The following BLTP2 variants were observed in gnomAD, a reference collection of about 807,000 sequenced individuals.
The protein encoded by BLTP2 is bridge-like lipid transfer protein family member 2, also known as U937-associated antigen.
At chr17:28,640,877 C>G in the BLTP2 span, among the ~76,000 whole-genome samples, 10 of 152,336 alleles carry the variant, frequency 6.6e-5, no homozygotes, top group East Asian at 1.5e-3. Context: ...CTCTAAAAAC[C>G]TAAAGAGTAC....
chr17:28,616,838 T>A, the BLTP2 span: 1 of 1,605,388 alleles, frequency 6.2e-7, no homozygotes, highest in Non-Finnish European at 8.5e-7. The surrounding 1 kb of genome is among the most constrained non-coding windows in gnomAD (Gnocchi z 4.8). Flanking sequence ...AACACACAGG[T>A]GGCTTTTGAA....
chr17:28,628,692 T>A, the BLTP2 span: 1 of 742,242 alleles, frequency 1.3e-6, no homozygotes, highest in South Asian at 1.9e-5. Context: ...CCCAGCACTT[T>A]GGGAGGCCGA....
the BLTP2 span, chr17:28,615,659 G>C: frequency 6.2e-7 from 1 of 1,613,772 alleles, no homozygotes; most frequent in Admixed American, 1.7e-5. Flanking sequence ...GCCCTGGCGG[G>C]ATACCTGGGC....
chr17:28,642,704 C>T, the BLTP2 span, among the ~76,000 whole-genome samples: 1 of 152,154 alleles, frequency 6.6e-6, no homozygotes, highest in African/African-American at 2.4e-5. Context: ...CCACTTACCT[C>T]CAGTCAAGCT....
chr17:28,644,329 T>A, the BLTP2 span: 2 of 888,982 alleles, frequency 2.2e-6, no homozygotes, highest in Non-Finnish European at 3.4e-6. Context: ...AGCACCACTC[T>A]GTCATATACA....
At chr17:28,642,906 T>C in the BLTP2 span, 1 of 1,609,384 alleles carries the variant, frequency 6.2e-7, no homozygotes, top group African/African-American at 1.3e-5. Flanking sequence ...CTGCTTCTAC[T>C]GATCTGAATA....
At chr17:28,632,227 G>C in the BLTP2 span, 1 of 1,599,154 alleles carries the variant, frequency 6.3e-7, no homozygotes, top group Non-Finnish European at 8.5e-7. Context: ...CAGAATTCGG[G>C]GCTGGGATAT....
At chr17:28,621,524 T>G in the BLTP2 span, 2 of 1,563,168 alleles carry the variant, frequency 1.3e-6, no homozygotes, top group African/African-American at 2.7e-5. Context: ...CAGGCAACTT[T>G]AGCTCCTGGG....
chr17:28,624,174 G>C, the BLTP2 span: 1 of 1,560,598 alleles, frequency 6.4e-7, no homozygotes. Context: ...GGTGGGGGAA[G>C]GGGAACAATA....
chr17:28,632,210 T>C, the BLTP2 span: 5 of 1,606,254 alleles, frequency 3.1e-6, no homozygotes, highest in South Asian at 1.1e-5. Context: ...AGGGTACTAC[T>C]ATATAGCAGA....
chr17:28,641,844 C>T, the BLTP2 span: 2 of 1,543,088 alleles, frequency 1.3e-6, no homozygotes, highest in Non-Finnish European at 1.8e-6. Context: ...CCAAAACAAA[C>T]CCTGAGAACA....
the BLTP2 span, chr17:28,638,966 T>A: frequency 6.9e-6 from 3 of 435,828 alleles, no homozygotes; most frequent in Non-Finnish European, 1.2e-5. Flanking sequence ...TAACCTTAAG[T>A]TCTCTGTGCA....
At chr17:28,624,220 A>C in the BLTP2 span, 1 of 1,611,776 alleles carries the variant, frequency 6.2e-7, no homozygotes, top group Non-Finnish European at 8.5e-7. Context: ...GGTAACTTGT[A>C]AAGAGAAGGT....
At chr17:28,633,510 A>G in the BLTP2 span, 1 of 1,604,064 alleles carries the variant, frequency 6.2e-7, no homozygotes, top group Non-Finnish European at 8.5e-7. Flanking sequence ...CCTCAACCAT[A>G]CCATCCTGAT....
the BLTP2 span, chr17:28,615,783 C>A: frequency 1.2e-6 from 2 of 1,614,060 alleles, no homozygotes; most frequent in Non-Finnish European, 8.5e-7. Context: ...CCCCAGTCCA[C>A]ACTGTTCTTC....
chr17:28,639,438 G>A, the BLTP2 span: 1 of 1,612,862 alleles, frequency 6.2e-7, no homozygotes, highest in Non-Finnish European at 8.5e-7. Flanking sequence ...AACTAGGGAG[G>A]CTGAGAGGTC....
the BLTP2 span, among the ~76,000 whole-genome samples, chr17:28,638,808 G>T: frequency 5.9e-5 from 9 of 152,276 alleles, no homozygotes; most frequent in East Asian, 1.7e-3. Context: ...TCAGTTTATT[G>T]CTACTCTTAA....
At chr17:28,622,018 T>C in the BLTP2 span, among the ~76,000 whole-genome samples, 5 of 152,102 alleles carry the variant, frequency 3.3e-5, no homozygotes, top group Admixed American at 1.3e-4. Flanking sequence ...CAAAAAAATA[T>C]AGGAAAGGCC....
At chr17:28,644,698 A>G in the BLTP2 span, among the ~76,000 whole-genome samples, 1 of 152,186 alleles carries the variant, frequency 6.6e-6, no homozygotes, top group African/African-American at 2.4e-5. Flanking sequence ...GGGAAAGGGA[A>G]GCCACTGAAC....
Sources: allele counts gnomAD v4.1 joint callset (sites outside exome capture counted in the v4.1 genomes callset), GRCh38; gene constraint gnomAD v4.1.1; non-coding constraint Gnocchi (gnomAD v3.1); transcripts MANE v1.5; gene names NCBI Gene and HGNC (gene_info 2026-07-23, HGNC 2026-07-21).